The following GIPC2 variants were observed in gnomAD, a reference collection of about 807,000 sequenced individuals.
GIPC2 encodes PDZ domain-containing protein GIPC2.
GIPC2 carries 30 observed loss-of-function variants against 30.6 expected under a neutral mutation model. That is an observed-to-expected ratio of 0.98 (90% CI 0.73 to 1.33). The LOEUF (loss-of-function observed/expected upper bound fraction) is 1.33, where lower values mean the gene tolerates loss of function less well. Ranked by LOEUF, GIPC2 falls within the 40% of genes most tolerant of loss-of-function variation. The probability of loss-of-function intolerance (pLI) is 0.00; values close to 1 mark genes in which losing one functional copy is unlikely to be tolerated. For synonymous variants in GIPC2, 167 were observed against 150.0 expected (o/e 1.11, Z -0.83); for missense variants, 414 against 390.3 (o/e 1.06, Z -0.51).
chr1:78,047,668 T>C (rs543835079), intron 1 of GIPC2, among the ~76,000 whole-genome samples: 1 of 152,308 alleles, frequency 6.6e-6, no homozygotes, highest in Admixed American at 6.5e-5. Context: ...GTTTAACTTC[T>C]CTCAGTTTTC....
intron 3 of GIPC2, among the ~76,000 whole-genome samples, chr1:78,112,787 T>C (rs925839381): frequency 1.3e-5 from 2 of 152,202 alleles, no homozygotes; most frequent in African/African-American, 4.8e-5. Context: ...CTGAGCTTCA[T>C]CAAATAGCAA....
intron 4 of GIPC2, among the ~76,000 whole-genome samples, chr1:78,123,636 T>C (rs1005898990): frequency 6.6e-6 from 1 of 152,170 alleles, no homozygotes; most frequent in African/African-American, 2.4e-5. Flanking sequence ...AGGAAACCTC[T>C]GCAAATCAGA....
intron 1 of GIPC2, among the ~76,000 whole-genome samples, chr1:78,067,306 A>G (rs1415568373): frequency 6.6e-6 from 1 of 152,132 alleles, no homozygotes; most frequent in Admixed American, 6.5e-5. Flanking sequence ...ACAATGAATT[A>G]CCTTATAGGT....
In GIPC2 at chr1:78,081,586, G is replaced by A. The variant is rs185227999; in HGVS notation, c.426+726G>A. ...TGTGTCCTGGAACCAATCCCCCATG[G>A]ATACCCAGGGCCAACTGTAATTCCT... On this transcript the variant is annotated intron_variant, in intron 2 of 5. Coordinates refer to ENST00000370759, the MANE Select transcript of GIPC2 (RefSeq NM_017655.6). 2.0e-3 allele frequency among the ~76,000 whole-genome samples: 300 copies of A among 152,190 alleles called. 1 individual carries two copies. Among genetic ancestry groups the A allele is most frequent in the Non-Finnish European group, 3.5e-3 (238 of 67,988 alleles).
intron 4 of GIPC2, among the ~76,000 whole-genome samples, chr1:78,122,584 A>T (rs1005753788): frequency 6.6e-6 from 1 of 152,092 alleles, no homozygotes; most frequent in Non-Finnish European, 1.5e-5. Context: ...AAACCATGAG[A>T]TCTTGTGAGA....
intron 3 of GIPC2, among the ~76,000 whole-genome samples, chr1:78,103,953 G>A (rs766395617): frequency 4.6e-5 from 7 of 152,172 alleles, no homozygotes; most frequent in Non-Finnish European, 1.0e-4. Context: ...TAAGTGCTGT[G>A]GCTTTGCGAT....
At chr1:78,081,698 G>A (rs1661831146) in intron 2 of GIPC2, among the ~76,000 whole-genome samples, 1 of 152,156 alleles carries the variant, frequency 6.6e-6, no homozygotes. Flanking sequence ...GAGGAGAAAG[G>A]TAGTCTCATC....
intron 2 of GIPC2, among the ~76,000 whole-genome samples, chr1:78,090,127 G>A (rs757731251): frequency 7.2e-5 from 11 of 152,146 alleles, no homozygotes; most frequent in Admixed American, 1.3e-4. Flanking sequence ...GAGTTCTGCT[G>A]TGAGCCATAG....
At chr1:78,048,906 G>C (rs1007764271) in intron 1 of GIPC2, among the ~76,000 whole-genome samples, 20 of 152,148 alleles carry the variant, frequency 1.3e-4, no homozygotes, top group African/African-American at 4.3e-4. Flanking sequence ...CGGGTATATG[G>C]GTAAAACCCC....
rs748564952 is a variant in GIPC2, at chr1:78,123,573, T to C, written c.715-2308T>C. Among the ~76,000 whole-genome samples, 126 of 152,146 alleles carry C rather than the reference T, an allele frequency of 8.3e-4. 1 individual carries two copies. The highest frequency in any genetic ancestry group is 1.6e-3 in the Non-Finnish European group (109 of 68,020). ...AATCCCTTGGTTCCAGGGTATGGGTTGTTGAGCAGCTTGGATTTGAGAGGG... is the reference window on the plus strand; with the variant it reads ...AATCCCTTGGTTCCAGGGTATGGGTCGTTGAGCAGCTTGGATTTGAGAGGG... On this transcript the variant is annotated intron_variant, in intron 4 of 5. Coordinates refer to ENST00000370759, the MANE Select transcript of GIPC2 (RefSeq NM_017655.6).
intron 2 of GIPC2, chr1:78,094,702 C>CCGTA: frequency 3.8e-6 from 1 of 263,046 alleles, no homozygotes; most frequent in Non-Finnish European, 7.2e-6. Flanking sequence ...TTCTTGGTTG[C>CCGTA]TCAGTCTTCC....
chr1:78,115,939 A>G (rs1413358193), intron 3 of GIPC2, among the ~76,000 whole-genome samples: 2 of 152,228 alleles, frequency 1.3e-5, no homozygotes, highest in Admixed American at 1.3e-4. Flanking sequence ...CCTAATAGCA[A>G]AACAGTACTT....
intron 1 of GIPC2, among the ~76,000 whole-genome samples, chr1:78,073,238 G>C (rs1463725618): frequency 4.0e-5 from 6 of 151,172 alleles, no homozygotes; most frequent in African/African-American, 1.5e-4. Flanking sequence ...TGAGTAGCTG[G>C]GACTACAGGT....
At chr1:78,056,143 A>G (rs1005589153) in intron 1 of GIPC2, among the ~76,000 whole-genome samples, 6 of 152,120 alleles carry the variant, frequency 3.9e-5, no homozygotes, top group African/African-American at 1.4e-4. Context: ...CTTCCATAAG[A>G]TTGAGAGCCA....
intron 5 of GIPC2, among the ~76,000 whole-genome samples, chr1:78,128,961 C>T (rs748941958): frequency 5.3e-5 from 8 of 150,560 alleles, no homozygotes; most frequent in Middle Eastern, 3.5e-3. Context: ...GCTAGGATGG[C>T]GCCACTGCAC....
chr1:78,086,955 T>C (rs1661939487), intron 2 of GIPC2, among the ~76,000 whole-genome samples: 4 of 152,196 alleles, frequency 2.6e-5, no homozygotes, highest in African/African-American at 9.7e-5. Flanking sequence ...AGTATTGATA[T>C]GTGTGGATTT....
At chr1:78,098,619 GT>G (rs1553142957) in intron 3 of GIPC2, among the ~76,000 whole-genome samples, 2 of 152,182 alleles carry the variant, frequency 1.3e-5, no homozygotes, top group Non-Finnish European at 2.9e-5. Context: ...ACAGGAGGCT[GT>G]TATGGGCTGA....
At position 78,136,564 on chromosome 1, in the gene GIPC2, G is replaced by C. The variant is rs1005804798; in HGVS notation, c.*821G>C. 1 of 135,976 alleles carries C rather than the reference G, an allele frequency of 7.4e-6. No homozygotes were observed. Among genetic ancestry groups the C allele is most frequent in the African/African-American group, 2.6e-5 (1 of 37,802 alleles). 8.4% of individuals were successfully genotyped at this position (135,976 alleles called of 1,614,324 possible). ...AGGGAAGATTTTATATTTTTTTGTA[G>C]AGTTTTTGGAAAGATATTTACTCAA... is the stretch of plus-strand genomic sequence containing the variant. On this transcript the variant is annotated 3_prime_UTR_variant, in exon 6 of 6. Transcript: ENST00000370759.
intron 1 of GIPC2, among the ~76,000 whole-genome samples, chr1:78,054,831 G>T (rs1174207684): frequency 1.3e-5 from 2 of 152,148 alleles, no homozygotes; most frequent in African/African-American, 2.4e-5. Context: ...GTACCCTGAA[G>T]AAGATATCTG....
Sources: allele counts gnomAD v4.1 joint callset (sites outside exome capture counted in the v4.1 genomes callset), GRCh38; gene constraint gnomAD v4.1.1; transcripts MANE v1.5; gene names NCBI Gene and HGNC (gene_info 2026-07-23, HGNC 2026-07-21).